Variants in CCAR2 observed in about 807,000 individuals in gnomAD.
CCAR2 encodes the protein cell cycle and apoptosis regulator protein 2.
In CCAR2, 21 loss-of-function variants were observed where a neutral mutation model predicts 108.1. That is an observed-to-expected ratio of 0.19 (90% CI 0.14 to 0.28). The LOEUF (loss-of-function observed/expected upper bound fraction) is 0.28, where lower values mean the gene tolerates loss of function less well. Among genes scored for constraint, CCAR2 ranks in the 10% least tolerant of loss-of-function variants. The pLI, the probability that CCAR2 is intolerant of heterozygous loss-of-function variation, is 1.00. For synonymous variants in CCAR2, 577 were observed against 472.8 expected (o/e 1.22, Z -2.86); for missense variants, 1,126 against 1,177.0 (o/e 0.96, Z 0.63).
chr8:22,620,737 G>A (rs1382139889), downstream of CCAR2: 1 of 152,134 alleles, frequency 6.6e-6, no homozygotes, highest in Non-Finnish European at 1.5e-5. Context: ...AATTTTACTT[G>A]AAAAAATAAA....
At chr8:22,608,998 C>G (rs977064594) in intron 7 of CCAR2, among the ~76,000 whole-genome samples, 1 of 151,592 alleles carries the variant, frequency 6.6e-6, no homozygotes, top group Non-Finnish European at 1.5e-5. Context: ...ATGCACAAAT[C>G]TTGACAGTTT....
At chr8:22,613,880 G>C (rs916010332) in intron 8 of CCAR2, 4 of 581,744 alleles carry the variant, frequency 6.9e-6, no homozygotes, top group Middle Eastern at 4.3e-4. Flanking sequence ...TGTGTTATAA[G>C]TGTTTTCTTT....
chr8:22,614,065 C>T, intron 8 of CCAR2, 27 bp from the exon 9 acceptor site: 1 of 1,595,064 alleles, frequency 6.3e-7, no homozygotes, highest in South Asian at 1.1e-5. Flanking sequence ...TTTGCTCAGT[C>T]TGGATTCCCT....
intron 7 of CCAR2, among the ~76,000 whole-genome samples, chr8:22,609,859 T>G (rs1410354040): frequency 6.6e-6 from 1 of 152,240 alleles, no homozygotes; most frequent in African/African-American, 2.4e-5. Context: ...TTGGCCATTA[T>G]GCTTCAGTGT....
chr8:22,617,384 C>G, intron 14 of CCAR2, 36 bp from the exon 15 acceptor site: 2 of 1,517,186 alleles, frequency 1.3e-6, no homozygotes, highest in Non-Finnish European at 1.8e-6. Flanking sequence ...TGGTAACTGC[C>G]TGCCTTTTCC....
chr8:22,616,114 C>A lies in CCAR2; in HGVS notation c.1711C>A (p.Pro571Thr). The A allele has an allele frequency of 1.2e-6, 2 of 1,613,964 alleles. No individual in the cohort carries two copies. Among genetic ancestry groups the A allele is most frequent in the South Asian group, 2.2e-5 (2 of 91,082 alleles). ...LSLPEKVVSPPEPEKEEAAKE... is the reference protein window; with the variant it reads ...LSLPEKVVSPTEPEKEEAAKE... ...CCTTCCTGAAAAGGTCGTGTCCCCA[C>A]CTGAACCTGAGAAGGAGGAGGCGGC... Residue 571 changes from proline (P) to threonine (T), a missense_variant, in exon 14 of 21, where the codon CCT becomes ACT. Transcript: ENST00000308511.
intron 3 of CCAR2, 59 bp from the exon 4 acceptor site, chr8:22,606,548 G>C: frequency 7.4e-7 from 1 of 1,356,888 alleles, no homozygotes; most frequent in Non-Finnish European, 1.1e-6. Context: ...CTTCATGGCA[G>C]AGTGTGATTT....
rs368832748 is a variant in CCAR2 at position 22,606,590 on chromosome 8, G to C, written c.151-17G>C. 1 of 1,604,854 alleles carries C rather than the reference G, an allele frequency of 6.2e-7. No homozygotes were observed. The highest frequency in any genetic ancestry group is 1.3e-5 in the African/African-American group (1 of 74,706). On this transcript the variant is annotated splice_polypyrimidine_tract_variant and intron_variant, in intron 3 of 20. Transcript: ENST00000308511. ...GTTTCCTCCCTTTTACTTTTCAGCT[G>C]TCTCCTTCTCTTACAGGGTGGGGAG...
At position 22,615,405 on chromosome 8, in the gene CCAR2, C is replaced by T. The variant is rs201949277; in HGVS notation, c.1206-20C>T. 1.6e-5 allele frequency: 26 copies of T among 1,608,386 alleles called. No individual in the cohort carries two copies. The highest frequency in any genetic ancestry group is 2.0e-5 in the Non-Finnish European group (24 of 1,176,796). On this transcript the variant is annotated intron_variant, in intron 11 of 20. Coordinates refer to ENST00000308511, the MANE Select transcript of CCAR2 (RefSeq NM_001393997.1). ...GGAGTTGTCACTAAAGAAGTTAGTA[C>T]CTCCTTTTGCCATGTGCAGGTGGCG...
At position 22,609,363 on chromosome 8, in the gene CCAR2, G is replaced by C. The variant is rs182839070; in HGVS notation, c.584+1298G>C. ...GAAAGGGTTTTACCATGTTGCCCAGGCTGGTCTCGAACTCCTGGGCTCAAG... is the reference window on the plus strand; with the variant it reads ...GAAAGGGTTTTACCATGTTGCCCAGCCTGGTCTCGAACTCCTGGGCTCAAG... On this transcript the variant is annotated intron_variant, in intron 7 of 20. Coordinates refer to ENST00000308511, the MANE Select transcript of CCAR2 (RefSeq NM_001393997.1). 4.7e-3 allele frequency among the ~76,000 whole-genome samples: 717 copies of C among 152,258 alleles called. 5 individuals are homozygous for C. Among genetic ancestry groups the C allele is most frequent in the Middle Eastern group, 0.014 (4 of 294 alleles).
chr8:22,620,722 T>C (rs545644002), downstream of CCAR2: 2 of 152,364 alleles, frequency 1.3e-5, no homozygotes, highest in South Asian at 4.1e-4. Context: ...GGACGTTTCA[T>C]TGAAAATTTT....
chr8:22,614,439 T>C lies in CCAR2; in HGVS notation c.977T>C (p.Met326Thr), dbSNP rs1801416200. Residue 326 changes from methionine (M) to threonine (T), a missense_variant, in exon 10 of 21, where the codon ATG (methionine) becomes ACG (threonine). This residue lies in a region of CCAR2 where 1,013 missense variants were observed against 993.9 expected (regional missense o/e 1.02). Coordinates refer to ENST00000308511, the MANE Select transcript of CCAR2 (RefSeq NM_001393997.1). Reference protein sequence around the residue: ...PGLEELYRCCMLFVDDMAEPR... With the variant: ...PGLEELYRCCTLFVDDMAEPR... Reference sequence around the variant, plus strand: ...TTGGAGGAATTGTATCGTTGTTGCATGCTCTTTGTGGATGACATGGCTGAG... The same window carrying C: ...TTGGAGGAATTGTATCGTTGTTGCACGCTCTTTGTGGATGACATGGCTGAG... 1.2e-6 allele frequency: 2 copies of C among 1,614,224 alleles called. No individual in the cohort carries two copies. The highest frequency in any genetic ancestry group is 2.7e-5 in the African/African-American group (2 of 75,068).
intron 1 of CCAR2, chr8:22,605,414 TG>T: frequency 4.7e-6 from 1 of 212,804 alleles, no homozygotes; most frequent in South Asian, 8.7e-5. Flanking sequence ...TTGGGAGGCC[TG>T]GGTGTGAGTA....
Position 22,616,087 on chromosome 8 carries a change from A to G in CCAR2, c.1684A>G (p.Ser562Gly). ...FGYRVYKMLL[S>G]LPEKVVSPPE... is the part of the protein sequence containing the mutation. ...CTATAGAGTTTATAAGATGCTACTG[A>G]GCCTTCCTGAAAAGGTCGTGTCCCC... Residue 562 changes from serine (S) to glycine (G), a missense_variant, in exon 14 of 21, where the codon AGC becomes GGC. Physicochemically the swap from Ser to Gly is moderately conservative, Grantham distance 56 (BLOSUM62 0). Around this residue, in one of 4 missense-constraint regions of CCAR2, gnomAD observed 1,013 missense variants for 993.9 expected, o/e 1.02. Transcript: ENST00000308511. 6.2e-7 allele frequency: 1 copy of G among 1,613,912 alleles called. No homozygotes were observed.
chr8:22,614,476 G>A lies in CCAR2; in HGVS notation c.1014G>A (p.Thr338=), dbSNP rs752938636. The change falls in exon 10 of 21, where the codon ACG becomes ACA. Residue 338 remains threonine, a synonymous_variant. Transcript: ENST00000308511. ...ATGACATGGCTGAGCCAAGGGAGAC[G>A]CCAGAGCATCCTCTGAAGCAGATTA... The part of the protein sequence containing the change: ...FVDDMAEPRE[T]PEHPLKQIKF... 4.3e-6 allele frequency: 7 copies of A among 1,614,000 alleles called. No individual in the cohort carries two copies. The highest frequency in any genetic ancestry group is 2.7e-5 in the African/African-American group (2 of 74,934).
chr8:22,608,071 A>G lies in CCAR2; in HGVS notation c.584+6A>G. ...CGGTTGGATCAGGGCCGAAGGTAAG[A>G]GGATGATGTCCCTTTTTTTGGCCAC... On this transcript the variant is annotated splice_donor_region_variant and intron_variant, in intron 7 of 20. Transcript: ENST00000308511. 6.2e-7 allele frequency: 1 copy of G among 1,608,576 alleles called. No homozygotes were observed. The highest frequency in any genetic ancestry group is 8.5e-7 in the Non-Finnish European group (1 of 1,176,584).
At chr8:22,613,953 C>T (rs1261580884) in intron 8 of CCAR2, 139 bp from the exon 9 acceptor site, 28 of 682,158 alleles carry the variant, frequency 4.1e-5, no homozygotes, top group Non-Finnish European at 6.4e-5. Context: ...CAGATCTGAT[C>T]TAGCTTCCTT....
At position 22,619,776 on chromosome 8, in the gene CCAR2, C is replaced by T. The variant is rs1246808435; in HGVS notation, c.*94C>T. The T allele has an allele frequency of 1.0e-5, 14 of 1,401,990 alleles. No individual in the cohort carries two copies. Among genetic ancestry groups the T allele is most frequent in the Non-Finnish European group, 1.4e-5 (14 of 1,021,536 alleles). The allele number at this position is 1,401,990 out of a possible 1,614,324, so 86.8% of individuals were successfully genotyped here. A position where few individuals can be genotyped will look rare whatever the true frequency, so the allele number is the denominator to read the frequency against. On this transcript the variant is annotated 3_prime_UTR_variant, in exon 21 of 21. Transcript: ENST00000308511. ...TACCAGAAAGCAGCGAGAGCGAGAC[C>T]TGGGAGCCAGGGCAGGGGTGGCTGA... is the stretch of plus-strand genomic sequence containing the variant.
At position 22,614,376 on chromosome 8, in the gene CCAR2, C is replaced by T. The variant is rs1015127522; in HGVS notation, c.928-14C>T. On this transcript the variant is annotated splice_polypyrimidine_tract_variant and intron_variant, in intron 9 of 20. Transcript: ENST00000308511. ...GGAGGCTGAAGGCAGCTCTGAGTGTCTCCTCCTGCACAGGTACTGCTGCTC... is the reference window on the plus strand; with the variant it reads ...GGAGGCTGAAGGCAGCTCTGAGTGTTTCCTCCTGCACAGGTACTGCTGCTC... 2 of 1,613,782 alleles carry T rather than the reference C, an allele frequency of 1.2e-6. No homozygotes were observed. The highest frequency in any genetic ancestry group is 2.7e-5 in the African/African-American group (2 of 74,940).
Sources: allele counts gnomAD v4.1 joint callset (sites outside exome capture counted in the v4.1 genomes callset), GRCh38; gene constraint gnomAD v4.1.1; regional missense constraint gnomAD v4.1.1; transcripts MANE v1.5; gene names NCBI Gene and HGNC (gene_info 2026-07-23, HGNC 2026-07-21).